Variants in COL8A1 observed in about 807,000 individuals in gnomAD.
COL8A1 encodes the protein collagen type VIII alpha 1 chain, also known as collagen alpha-1(VIII) chain.
In COL8A1, 21 loss-of-function variants were observed where a neutral mutation model predicts 42.7. The observed-to-expected ratio is 0.49, with a 90% confidence interval of 0.35 to 0.71. The LOEUF is 0.71. Among genes scored for constraint, COL8A1 ranks in the 30% least tolerant of loss-of-function variants. COL8A1 has a pLI of 0.01. For synonymous variants in COL8A1, 367 were observed against 369.1 expected, an observed-to-expected ratio of 0.99 and a Z score of 0.06; for missense variants, 788 against 962.4, an observed-to-expected ratio of 0.82 and a Z score of 2.40.
Position 99,786,145 on chromosome 3 carries a change from T to C in COL8A1, c.-3-4535T>C, listed in dbSNP as rs1380715010. Among the ~76,000 whole-genome samples, 3 of 152,254 alleles carry C rather than the reference T, an allele frequency of 2.0e-5. No individual in the cohort carries two copies. In the East Asian group the frequency reaches 5.8e-4, roughly 29 times the overall value. ...ACATCTCTCAACCTTCACATCTCTA[T>C]CCAAAATTTACTTCCTCAGATGTCA... is the stretch of plus-strand genomic sequence containing the variant. On this transcript the variant is annotated intron_variant, in intron 2 of 3. Transcript: ENST00000652472.
chr3:99,752,106 T>C lies in COL8A1; in HGVS notation c.-4+7085T>C, dbSNP rs1016059076. ...CATCCCCTGCAAATAGATACTTACT[T>C]TGCATTATGGACATCCTGGAAGAAG... On this transcript the variant is annotated intron_variant, in intron 2 of 3. Coordinates refer to ENST00000652472, the MANE Select transcript of COL8A1 (RefSeq NM_020351.4). Among the ~76,000 whole-genome samples, 13 of 152,162 alleles carry C rather than the reference T, an allele frequency of 8.5e-5. 1 individual carries two copies. The highest frequency in any genetic ancestry group is 2.9e-4 in the African/African-American group (12 of 41,444).
At chr3:99,754,290 A>G (rs1252028978) in intron 2 of COL8A1, among the ~76,000 whole-genome samples, 2 of 152,204 alleles carry the variant, frequency 1.3e-5, no homozygotes, top group East Asian at 3.8e-4. Context: ...AAATAAAACC[A>G]TAGTTTACAT....
chr3:99,788,002 T>C (rs1369320014), intron 2 of COL8A1, among the ~76,000 whole-genome samples: 1 of 152,148 alleles, frequency 6.6e-6, no homozygotes, highest in Non-Finnish European at 1.5e-5. Flanking sequence ...ACTATCACAA[T>C]TTCTTCCCAG....
At chr3:99,779,803 T>C (rs1941763373) in intron 2 of COL8A1, among the ~76,000 whole-genome samples, 1 of 150,180 alleles carries the variant, frequency 6.7e-6, no homozygotes, top group Non-Finnish European at 1.5e-5. Context: ...AATGCCTCCA[T>C]GATCCTGCAT....
At chr3:99,648,182 T>C (rs1427288255) in intron 1 of COL8A1, among the ~76,000 whole-genome samples, 1 of 152,130 alleles carries the variant, frequency 6.6e-6, no homozygotes, top group Non-Finnish European at 1.5e-5. Context: ...AAACTAAGCC[T>C]CCACTCGTTA....
At chr3:99,665,892 T>C (rs1938355512) in intron 1 of COL8A1, among the ~76,000 whole-genome samples, 1 of 151,180 alleles carries the variant, frequency 6.6e-6, no homozygotes, top group Non-Finnish European at 1.5e-5. Context: ...GGTTTCGCCA[T>C]GTTGGCCAGG....
intron 1 of COL8A1, among the ~76,000 whole-genome samples, chr3:99,698,686 C>T (rs1372794742): frequency 6.6e-6 from 1 of 152,216 alleles, no homozygotes; most frequent in African/African-American, 2.4e-5. Flanking sequence ...CCCCCAGGCT[C>T]CATCACAGCA....
chr3:99,673,293 T>G (rs1938599715), intron 1 of COL8A1, among the ~76,000 whole-genome samples: 1 of 152,070 alleles, frequency 6.6e-6, no homozygotes, highest in Non-Finnish European at 1.5e-5. Context: ...ATCACTTACT[T>G]TGATGCCAAA....
At chr3:99,755,253 A>G (rs530444877) in intron 2 of COL8A1, among the ~76,000 whole-genome samples, 2 of 152,338 alleles carry the variant, frequency 1.3e-5, no homozygotes, top group African/African-American at 2.4e-5. Flanking sequence ...TGGCCCCACA[A>G]TTATAGTTTA....
At chr3:99,716,902 G>A (rs1940014573) in intron 1 of COL8A1, among the ~76,000 whole-genome samples, 1 of 151,826 alleles carries the variant, frequency 6.6e-6, no homozygotes, top group African/African-American at 2.4e-5. Flanking sequence ...AACATAATAG[G>A]GAACTCAAAA....
intron 1 of COL8A1, among the ~76,000 whole-genome samples, chr3:99,710,518 A>G (rs1308615942): frequency 2.6e-5 from 4 of 152,224 alleles, no homozygotes; most frequent in East Asian, 1.9e-4. Flanking sequence ...ATTCCAAATA[A>G]CATTTAATGA....
chr3:99,699,860 C>CT (rs1298951390), intron 1 of COL8A1, among the ~76,000 whole-genome samples: 3 of 152,062 alleles, frequency 2.0e-5, no homozygotes, highest in Admixed American at 6.6e-5. Flanking sequence ...AACATACCGT[C>CT]TTTTTTAACA....
chr3:99,649,205 C>T (rs571387821), intron 1 of COL8A1, among the ~76,000 whole-genome samples: 21 of 152,034 alleles, frequency 1.4e-4, no homozygotes, highest in Non-Finnish European at 2.9e-4. Flanking sequence ...CTTCAGACTC[C>T]CTAGAACTCT....
chr3:99,711,304 A>C (rs1939828866), intron 1 of COL8A1, among the ~76,000 whole-genome samples: 1 of 152,174 alleles, frequency 6.6e-6, no homozygotes, highest in Non-Finnish European at 1.5e-5. Flanking sequence ...GTTACATAAA[A>C]AGGGAATTGA....
intron 2 of COL8A1, among the ~76,000 whole-genome samples, chr3:99,757,632 C>T (rs1941280130): frequency 1.3e-5 from 2 of 152,230 alleles, no homozygotes; most frequent in South Asian, 4.1e-4. Context: ...CAGTTCTGAC[C>T]TCATGCTCAG....
chr3:99,648,788 C>G (rs1937738047), intron 1 of COL8A1, among the ~76,000 whole-genome samples: 1 of 152,164 alleles, frequency 6.6e-6, no homozygotes, highest in African/African-American at 2.4e-5. Context: ...CCAGATTATT[C>G]TCTTTGGCAC....
At chr3:99,683,108 A>G (rs191405226) in intron 1 of COL8A1, among the ~76,000 whole-genome samples, 11 of 152,316 alleles carry the variant, frequency 7.2e-5, no homozygotes, top group African/African-American at 2.6e-4. Flanking sequence ...TTTTAAAAAG[A>G]AGTGTCTTAA....
chr3:99,783,899 G>C (rs1272339072), intron 2 of COL8A1, among the ~76,000 whole-genome samples: 3 of 152,194 alleles, frequency 2.0e-5, no homozygotes, highest in Non-Finnish European at 4.4e-5. Flanking sequence ...TTTGAGATGA[G>C]ATTTCGGTGG....
At chr3:99,688,780 A>G (rs1939136646) in intron 1 of COL8A1, among the ~76,000 whole-genome samples, 1 of 152,180 alleles carries the variant, frequency 6.6e-6, no homozygotes, top group Non-Finnish European at 1.5e-5. Flanking sequence ...CGTCATCATC[A>G]TGTTCAATTC....
Sources: allele counts gnomAD v4.1 joint callset (sites outside exome capture counted in the v4.1 genomes callset), GRCh38; gene constraint gnomAD v4.1.1; transcripts MANE v1.5; gene names NCBI Gene and HGNC (gene_info 2026-07-23, HGNC 2026-07-21).